Variants in AKT3 observed in about 807,000 individuals in gnomAD.
AKT3 encodes AKT serine/threonine kinase 3.
Under a neutral mutation model 65.3 loss-of-function variants are expected in AKT3, and 15 were observed. The ratio of observed to expected loss-of-function variants is 0.23; its 90% CI spans 0.15 to 0.35. AKT3 has a LOEUF of 0.35. Ranked by LOEUF, AKT3 falls within the 10% of genes least tolerant of loss-of-function variation. AKT3 has a pLI of 1.00. For missense variants in AKT3, 243 were observed against 576.5 expected (o/e 0.42, Z 5.92); for synonymous variants, 206 against 183.8 (o/e 1.12, Z -0.98).
rs576896893 is a variant in AKT3, at chr1:243,688,826, C to CT, written c.172+6764dup. Among the ~76,000 whole-genome samples the CT allele has an allele frequency of 1.4e-3, 205 of 149,426 alleles. 1 individual carries two copies. Among genetic ancestry groups the CT allele is most frequent in the East Asian group, 4.9e-3 (25 of 5,114 alleles). On this transcript the variant is annotated intron_variant, in intron 3 of 13. Coordinates refer to ENST00000673466, the MANE Select transcript of AKT3 (RefSeq NM_005465.7). ...CTGATTACTAACTCTCTAATCTGAGCTTTTTTTTTTCCTCCAGCATAAATT... is the reference window on the plus strand; with the variant it reads ...CTGATTACTAACTCTCTAATCTGAGCTTTTTTTTTTTCCTCCAGCATAAATT...
chr1:243,830,231 T>A (rs1314835775), intron 2 of AKT3, among the ~76,000 whole-genome samples: 1 of 152,144 alleles, frequency 6.6e-6, no homozygotes, highest in African/African-American at 2.4e-5. Flanking sequence ...TTAGGTAATG[T>A]AAGTAATTTA....
rs1388319009 is a variant in AKT3 at position 243,503,531 on chromosome 1, C to T, written c.*1718G>A. On this transcript the variant is annotated 3_prime_UTR_variant, in exon 14 of 14. Transcript: ENST00000673466. The stretch of plus-strand genomic sequence containing the variant: ...TTCTGCTTGCCGCAAGAGTGGCCCC[C>T]AGCCCCTAGGACTTCACAGGCTGCT... The T allele has an allele frequency of 1.3e-5, 3 of 233,284 alleles. No individual in the cohort carries two copies. The East Asian group carries it at 1.8e-4, about 14-fold the overall frequency. 14.5% of individuals were successfully genotyped at this position (233,284 alleles called of 1,614,324 possible).
In AKT3 at chr1:243,505,095, T is replaced by G. The variant is rs1289037896; in HGVS notation, c.*154A>C. 2 of 620,662 alleles carry G rather than the reference T, an allele frequency of 3.2e-6. No individual in the cohort carries two copies. The highest frequency in any genetic ancestry group is 5.5e-5 in the East Asian group (2 of 36,068). 38.4% of individuals were successfully genotyped at this position (620,662 alleles called of 1,614,324 possible). On this transcript the variant is annotated 3_prime_UTR_variant, in exon 14 of 14. Transcript: ENST00000673466. ...GTATTTGCGTGTATGTGTGTTTTCA[T>G]GAGGGTGAAAGGTGGCGAGGGGTGA...
intron 8 of AKT3, among the ~76,000 whole-genome samples, chr1:243,591,808 T>C (rs990543238): frequency 2.0e-5 from 3 of 151,622 alleles, no homozygotes; most frequent in South Asian, 2.1e-4. Flanking sequence ...AAGAAAGTAT[T>C]AGTAAACTTA....
intron 2 of AKT3, among the ~76,000 whole-genome samples, chr1:243,835,640 T>C (rs1694848785): frequency 6.6e-6 from 1 of 152,298 alleles, no homozygotes; most frequent in Non-Finnish European, 1.5e-5. Flanking sequence ...TATCTGTTTA[T>C]ATAATGTGAT....
Position 243,500,632 on chromosome 1 carries a change from C to CAGTT in AKT3, c.*4613_*4616dup, listed in dbSNP as rs113626297. ...ATGACAAACACTAAAGGCAAGGCTG[C>CAGTT]AGTTAGTTAGGACAGGTCCCTGACC... On this transcript the variant is annotated 3_prime_UTR_variant, in exon 14 of 14. Coordinates refer to ENST00000673466, the MANE Select transcript of AKT3 (RefSeq NM_005465.7). The CAGTT allele has an allele frequency of 7.3e-4, 167 of 229,646 alleles. No individual in the cohort carries two copies. Among genetic ancestry groups the CAGTT allele is most frequent in the African/African-American group, 2.3e-3 (102 of 45,022 alleles). 14.2% of individuals were successfully genotyped at this position (229,646 alleles called of 1,614,324 possible).
At chr1:243,593,526 A>C (rs1252138447) in intron 8 of AKT3, among the ~76,000 whole-genome samples, 1 of 152,140 alleles carries the variant, frequency 6.6e-6, no homozygotes. Context: ...AACTCTAATA[A>C]AAATACAAAA....
intron 8 of AKT3, among the ~76,000 whole-genome samples, chr1:243,585,146 A>G (rs953523243): frequency 1.3e-5 from 2 of 152,012 alleles, no homozygotes; most frequent in African/African-American, 4.8e-5. Flanking sequence ...ATAGCCACAC[A>G]CACAAAAAAA....
intron 2 of AKT3, among the ~76,000 whole-genome samples, chr1:243,781,726 G>T (rs966216388): frequency 6.6e-6 from 1 of 151,984 alleles, no homozygotes; most frequent in African/African-American, 2.4e-5. Flanking sequence ...AGTTAAAAAG[G>T]TCATATTTTT....
chr1:243,777,642 A>G (rs1016171213), intron 2 of AKT3, among the ~76,000 whole-genome samples: 1 of 152,172 alleles, frequency 6.6e-6, no homozygotes, highest in Non-Finnish European at 1.5e-5. Context: ...TATCTGGTCA[A>G]AAACATGGGA....
intron 2 of AKT3, among the ~76,000 whole-genome samples, chr1:243,707,968 G>C (rs893348016): frequency 6.6e-6 from 1 of 152,002 alleles, no homozygotes; most frequent in Non-Finnish European, 1.5e-5. Context: ...AAACTGAAGG[G>C]AATCTATGCT....
At chr1:243,654,343 C>T (rs746530971) in intron 4 of AKT3, among the ~76,000 whole-genome samples, 4 of 152,076 alleles carry the variant, frequency 2.6e-5, no homozygotes, top group Non-Finnish European at 5.9e-5. Flanking sequence ...AAAATCAATG[C>T]TTACTTTTAT....
intron 8 of AKT3, among the ~76,000 whole-genome samples, chr1:243,577,794 C>A (rs1675049772): frequency 1.3e-5 from 2 of 151,864 alleles, no homozygotes; most frequent in Admixed American, 6.6e-5. Flanking sequence ...AGCCATCTGA[C>A]AAAGGTCTAA....
intron 10 of AKT3, among the ~76,000 whole-genome samples, chr1:243,557,802 A>G (rs1426106419): frequency 6.6e-6 from 1 of 152,124 alleles, no homozygotes; most frequent in South Asian, 2.1e-4. Context: ...AGGAAGATGA[A>G]GGTTTTCAAA....
At chr1:243,583,033 A>G (rs1675491127) in intron 8 of AKT3, among the ~76,000 whole-genome samples, 1 of 151,356 alleles carries the variant, frequency 6.6e-6, no homozygotes, top group African/African-American at 2.4e-5. Flanking sequence ...AGTATTACAT[A>G]ATGATAAAGG....
At chr1:243,704,580 T>C (rs530073430) in intron 2 of AKT3, among the ~76,000 whole-genome samples, 2 of 152,266 alleles carry the variant, frequency 1.3e-5, no homozygotes, top group East Asian at 1.9e-4. Context: ...AGGTAGTCGA[T>C]GATATTTGTT....
intron 12 of AKT3, among the ~76,000 whole-genome samples, chr1:243,514,810 G>A (rs1009986925): frequency 1.3e-5 from 2 of 152,034 alleles, no homozygotes; most frequent in African/African-American, 2.4e-5. Flanking sequence ...CGGCCGGGGC[G>A]AACGAGTAAA....
chr1:243,711,920 T>C (rs2148076632), intron 2 of AKT3, among the ~76,000 whole-genome samples: 1 of 152,342 alleles, frequency 6.6e-6, no homozygotes, highest in African/African-American at 2.4e-5. Context: ...CAAATGGCTC[T>C]GAAAGAATCA....
At chr1:243,633,292 G>T (rs375705719) in intron 6 of AKT3, among the ~76,000 whole-genome samples, 1 of 152,104 alleles carries the variant, frequency 6.6e-6, no homozygotes, top group Non-Finnish European at 1.5e-5. Flanking sequence ...AAGGACATTA[G>T]ACAGTCACTT....
Sources: gnomAD v4.1 joint callset for allele counts (sites outside exome capture counted in the v4.1 genomes callset) on GRCh38, gnomAD v4.1.1 for gene constraint, MANE v1.5 for transcripts, NCBI Gene and HGNC (gene_info 2026-07-23, HGNC 2026-07-21) for gene names.